AUH: variants seen among roughly 807,000 people sequenced by gnomAD.
AUH encodes the protein AU RNA binding methylglutaconyl-CoA hydratase, also known as methylglutaconyl-CoA hydratase, mitochondrial.
Under a neutral mutation model 42.3 loss-of-function variants are expected in AUH, and 29 were observed. The ratio of observed to expected loss-of-function variants is 0.69; its 90% CI spans 0.51 to 0.93. The LOEUF (loss-of-function observed/expected upper bound fraction) is 0.93, where lower values mean the gene tolerates loss of function less well. Among genes scored for constraint, AUH ranks in the 40% least tolerant of loss-of-function variants. The pLI is 0.00. For synonymous variants in AUH, 174 were observed against 166.4 expected (o/e 1.05, Z -0.35); for missense variants, 452 against 438.1 (o/e 1.03, Z -0.28).
chr9:91,251,412 T>C (rs1362129312), intron 6 of AUH, among the ~76,000 whole-genome samples: 1 of 152,252 alleles, frequency 6.6e-6, no homozygotes, highest in African/African-American at 2.4e-5. Context: ...TGCTGTGTGT[T>C]TTCAGAGTGT....
chr9:91,261,143 C>G (rs1829688204), intron 6 of AUH, among the ~76,000 whole-genome samples: 1 of 152,080 alleles, frequency 6.6e-6, no homozygotes, highest in Non-Finnish European at 1.5e-5. Context: ...GTCGTATTTT[C>G]CTGCTTCATC....
At chr9:91,349,699 C>T (rs1831813506) in intron 3 of AUH, among the ~76,000 whole-genome samples, 1 of 150,938 alleles carries the variant, frequency 6.6e-6, no homozygotes, top group East Asian at 1.9e-4. Context: ...CACACACACA[C>T]ACACAGAGAG....
chr9:91,324,283 G>A (rs1166667806), intron 4 of AUH, among the ~76,000 whole-genome samples: 3 of 151,938 alleles, frequency 2.0e-5, no homozygotes, highest in South Asian at 2.1e-4. Flanking sequence ...GAGGAGGATC[G>A]CTTGAGGCAG....
At chr9:91,228,753 G>A (rs1827680276) in intron 6 of AUH, among the ~76,000 whole-genome samples, 1 of 151,766 alleles carries the variant, frequency 6.6e-6, no homozygotes, top group Non-Finnish European at 1.5e-5. Context: ...GGTATGTTGT[G>A]TCTTTGTTCT....
chr9:91,352,626 G>T lies in AUH; in HGVS notation c.418+3257C>A, dbSNP rs948318271. On this transcript the variant is annotated intron_variant, in intron 3 of 9. Transcript: ENST00000375731. ...GAAATCACTTGGCCCAACCTCCAAT[G>T]CAATGTAGGAATCTCTTTAATGTTT... is the stretch of plus-strand genomic sequence containing the variant. Among the ~76,000 whole-genome samples, 10 of 152,190 alleles carry T rather than the reference G, an allele frequency of 6.6e-5. No individual in the cohort carries two copies. The South Asian group carries it at 1.5e-3, about 22-fold the overall frequency.
chr9:91,217,165 A>G, intron 8 of AUH, 112 bp downstream of exon 8: 2 of 1,148,564 alleles, frequency 1.7e-6, no homozygotes, highest in Non-Finnish European at 2.5e-6. Context: ...AGTAGCATTT[A>G]AACAACCATA....
intron 6 of AUH, 136 bp downstream of exon 6, chr9:91,295,885 C>T: frequency 3.1e-6 from 3 of 977,982 alleles, no homozygotes; most frequent in Non-Finnish European, 4.8e-6. Context: ...TGAATGGGGA[C>T]TTTGCTAGGG....
At chr9:91,338,588 G>A (rs60921417) in intron 3 of AUH, among the ~76,000 whole-genome samples, 32 of 152,234 alleles carry the variant, frequency 2.1e-4, no homozygotes, top group African/African-American at 7.2e-4. Flanking sequence ...CCACCACCAC[G>A]CCCTGCTAAT....
intron 4 of AUH, among the ~76,000 whole-genome samples, chr9:91,313,578 G>A (rs1242042884): frequency 1.3e-5 from 2 of 151,800 alleles, no homozygotes; most frequent in South Asian, 2.1e-4. Flanking sequence ...GGTGGCGGGC[G>A]CCTGTAGTCC....
intron 6 of AUH, among the ~76,000 whole-genome samples, chr9:91,233,135 TAAAG>T (rs1312420622): frequency 6.6e-6 from 1 of 151,794 alleles, no homozygotes; most frequent in Non-Finnish European, 1.5e-5. Flanking sequence ...AGCCTCGCAA[TAAAG>T]AAAGAAATAC....
intron 6 of AUH, among the ~76,000 whole-genome samples, chr9:91,256,329 A>G (rs967303740): frequency 4.6e-5 from 7 of 152,144 alleles, no homozygotes; most frequent in African/African-American, 1.7e-4. Context: ...GCTACCCACA[A>G]TCTGGAGACT....
chr9:91,296,004 G>A lies in AUH; in HGVS notation c.655+17C>T. The stretch of plus-strand genomic sequence containing the variant: ...ACCAAATCAAGGATTTGAGGAATGG[G>A]CGTGAACTACTCATACCTCCACCAG... On this transcript the variant is annotated intron_variant, in intron 6 of 9. Coordinates refer to ENST00000375731, the MANE Select transcript of AUH (RefSeq NM_001698.3). 6.2e-7 allele frequency: 1 copy of A among 1,613,746 alleles called. No individual in the cohort carries two copies. The highest frequency in any genetic ancestry group is 8.5e-7 in the Non-Finnish European group (1 of 1,179,778).
chr9:91,273,050 G>T (rs994678752), intron 6 of AUH, among the ~76,000 whole-genome samples: 2 of 152,310 alleles, frequency 1.3e-5, no homozygotes, highest in Admixed American at 1.3e-4. Context: ...AGAAGAATTT[G>T]CTGAAAGGTT....
At chr9:91,341,450 A>G (rs1475620360) in intron 3 of AUH, among the ~76,000 whole-genome samples, 3 of 152,234 alleles carry the variant, frequency 2.0e-5, no homozygotes, top group Admixed American at 6.5e-5. Flanking sequence ...TAAGTCATAA[A>G]GCTAATGTTT....
chr9:91,313,823 CT>C (rs983262629), intron 4 of AUH, among the ~76,000 whole-genome samples: 81 of 54,818 alleles, frequency 1.5e-3, no homozygotes, highest in African/African-American at 1.6e-3. Flanking sequence ...CATAAACGCT[CT>C]TTTTTTTTTT....
chr9:91,226,465 G>A (rs1287678751), intron 6 of AUH, among the ~76,000 whole-genome samples: 5 of 151,916 alleles, frequency 3.3e-5, no homozygotes, highest in African/African-American at 4.8e-5. Context: ...TTTGTCAGAT[G>A]AGTAGGTTGC....
chr9:91,231,997 G>C (rs1170152276), intron 6 of AUH, among the ~76,000 whole-genome samples: 1 of 152,192 alleles, frequency 6.6e-6, no homozygotes, highest in Non-Finnish European at 1.5e-5. Context: ...ATATGATTTT[G>C]AATGTTCTTA....
chr9:91,342,215 T>A (rs1389357986), intron 3 of AUH, among the ~76,000 whole-genome samples: 1 of 152,188 alleles, frequency 6.6e-6, no homozygotes, highest in African/African-American at 2.4e-5. Context: ...CTAGGGGCTG[T>A]CCACATTCCT....
chr9:91,301,686 G>A (rs1354522290), intron 4 of AUH, among the ~76,000 whole-genome samples: 2 of 152,182 alleles, frequency 1.3e-5, no homozygotes, highest in African/African-American at 4.8e-5. Flanking sequence ...TAGGTGCCAA[G>A]AGACATACCA....
Sources: gnomAD v4.1 joint callset for allele counts (sites outside exome capture counted in the v4.1 genomes callset) on GRCh38, gnomAD v4.1.1 for gene constraint, MANE v1.5 for transcripts, NCBI Gene and HGNC (gene_info 2026-07-23, HGNC 2026-07-21) for gene names.